KCNH8: variants seen among roughly 807,000 people sequenced by gnomAD.
The protein encoded by KCNH8 is potassium voltage-gated channel subfamily H member 8.
KCNH8 carries 70 observed loss-of-function variants against 103.6 expected under a neutral mutation model. The observed-to-expected ratio is 0.68, with a 90% CI of 0.56 to 0.82. KCNH8 has a LOEUF of 0.82. Among genes scored for constraint, KCNH8 ranks in the 40% least tolerant of loss-of-function variants. The probability of loss-of-function intolerance (pLI) is 0.00; values close to 1 mark genes in which losing one functional copy is unlikely to be tolerated. For synonymous variants in KCNH8, 498 were observed against 489.4 expected, an observed-to-expected ratio of 1.02 and a Z score of -0.23; for missense variants, 1,217 against 1,329.9, an observed-to-expected ratio of 0.92 and a Z score of 1.32.
chr3:19,366,866 G>C (rs189009116), intron 5 of KCNH8, among the ~76,000 whole-genome samples: 1 of 151,994 alleles, frequency 6.6e-6, no homozygotes, highest in Non-Finnish European at 1.5e-5. Flanking sequence ...ATAGTGAAAA[G>C]TTATTTAAAT....
intron 11 of KCNH8, among the ~76,000 whole-genome samples, chr3:19,473,123 G>C (rs891011975): frequency 2.6e-5 from 4 of 152,154 alleles, no homozygotes; most frequent in African/African-American, 4.8e-5. Flanking sequence ...ATAAAATCAA[G>C]TCAAACTCAT....
At chr3:19,431,857 A>G (rs2067127452) in intron 7 of KCNH8, among the ~76,000 whole-genome samples, 1 of 151,764 alleles carries the variant, frequency 6.6e-6, no homozygotes, top group Admixed American at 6.6e-5. Context: ...TCACCCTTAT[A>G]ATTTCTGATT....
chr3:19,276,073 T>A (rs773112572), intron 2 of KCNH8, among the ~76,000 whole-genome samples: 115 of 152,204 alleles, frequency 7.6e-4, no homozygotes, highest in Non-Finnish European at 8.7e-4. Flanking sequence ...ACTGCCCCAC[T>A]CTTTCTGCTG....
Position 19,304,089 on chromosome 3 carries a change from T to G in KCNH8, c.442+22760T>G, listed in dbSNP as rs141383060. ...TCCCAAATGTTAAGACACCCAGTCC[T>G]CTTCCTCAACTTGGCTCCTATAATT... On this transcript the variant is annotated intron_variant, in intron 3 of 15. Transcript: ENST00000328405. 6.6e-5 allele frequency among the ~76,000 whole-genome samples: 10 copies of G among 152,294 alleles called. 1 individual carries two copies. In the East Asian group the frequency reaches 1.9e-3, roughly 29 times the overall value.
chr3:19,378,730 T>C (rs563648987), intron 5 of KCNH8, among the ~76,000 whole-genome samples: 2 of 152,306 alleles, frequency 1.3e-5, no homozygotes, highest in South Asian at 4.1e-4. Flanking sequence ...TCATGAGAAA[T>C]GATATGTTAT....
At chr3:19,408,817 G>GA (rs1288937433) in intron 7 of KCNH8, among the ~76,000 whole-genome samples, 1 of 151,530 alleles carries the variant, frequency 6.6e-6, no homozygotes, top group East Asian at 1.9e-4. Context: ...CAAAAATGAA[G>GA]AAAAAAAGAA....
intron 4 of KCNH8, among the ~76,000 whole-genome samples, chr3:19,343,547 G>T (rs1347260248): frequency 1.3e-5 from 2 of 152,050 alleles, no homozygotes; most frequent in African/African-American, 2.4e-5. Flanking sequence ...ATGGGGTGTT[G>T]TGTGACCATA....
chr3:19,517,948 T>C (rs1559368459), intron 14 of KCNH8, 50 bp from the exon 15 acceptor site: 1 of 1,426,460 alleles, frequency 7.0e-7, no homozygotes, highest in Non-Finnish European at 9.8e-7. Context: ...GATCCTCAAA[T>C]ATAAGGTTTA....
Position 19,515,330 on chromosome 3 carries a change from A to G in KCNH8, c.2444A>G (p.Asp815Gly), listed in dbSNP as rs546670762. The G allele has an allele frequency of 1.3e-6, 2 of 1,587,368 alleles. No homozygotes were observed. Among genetic ancestry groups the G allele is most frequent in the Non-Finnish European group, 1.7e-6 (2 of 1,163,508 alleles). Residue 815 changes from aspartate (D) to glycine (G), a missense_variant, in exon 14 of 16, where the codon GAT (aspartate) becomes GGT (glycine). Transcript: ENST00000328405. ...TCCTTTATTTTAAGTAGGATTGTTGATGGAATTGAAGATGGAAACAGCAGT... is the reference window on the plus strand; with the variant it reads ...TCCTTTATTTTAAGTAGGATTGTTGGTGGAATTGAAGATGGAAACAGCAGT... ...GPPDLSPRIV[D>G]GIEDGNSSEE...
chr3:19,420,626 A>G (rs2066936805), intron 7 of KCNH8, among the ~76,000 whole-genome samples: 1 of 152,218 alleles, frequency 6.6e-6, no homozygotes, highest in Non-Finnish European at 1.5e-5. Context: ...CTCAGGAGTA[A>G]TCCATAAAAA....
chr3:19,410,109 A>C (rs1036397801), intron 7 of KCNH8, among the ~76,000 whole-genome samples: 7 of 152,124 alleles, frequency 4.6e-5, no homozygotes, highest in African/African-American at 1.7e-4. Context: ...AACATACTCC[A>C]AGAAATCATG....
At chr3:19,442,852 C>G (rs2067303094) in intron 8 of KCNH8, among the ~76,000 whole-genome samples, 2 of 151,984 alleles carry the variant, frequency 1.3e-5, no homozygotes, top group African/African-American at 4.8e-5. Context: ...GAGAACTAAT[C>G]ATAAGAGCTC....
chr3:19,207,857 T>C (rs2063732173), intron 1 of KCNH8, among the ~76,000 whole-genome samples: 1 of 151,920 alleles, frequency 6.6e-6, no homozygotes, highest in African/African-American at 2.4e-5. Context: ...ATATAAAAAG[T>C]GGATATTCAA....
In KCNH8 at chr3:19,513,185, G is replaced by A. The variant is rs368682045; in HGVS notation, c.2295G>A (p.Ser765=). Residue 765 remains serine, a synonymous_variant, in exon 13 of 16, where the codon TCG becomes TCA. Transcript: ENST00000328405. ...CCTCGGGAACGGTGCCCTTTCACTC[G>A]CCTATCAGAGTCTCCAGGTCAAATT... ...QLASGTVPFH[S]PIRVSRSNSP... is the part of the protein sequence containing the mutation. 44 of 1,613,748 alleles carry A rather than the reference G, an allele frequency of 2.7e-5. No individual in the cohort carries two copies. The highest frequency in any genetic ancestry group is 3.2e-5 in the Non-Finnish European group (38 of 1,179,934).
intron 11 of KCNH8, among the ~76,000 whole-genome samples, chr3:19,468,504 TAAC>T (rs1447321622): frequency 6.6e-6 from 1 of 152,176 alleles, no homozygotes; most frequent in African/African-American, 2.4e-5. Flanking sequence ...CTAAATTGAA[TAAC>T]AACATTTTTC....
intron 1 of KCNH8, among the ~76,000 whole-genome samples, chr3:19,241,731 CACA>C (rs1293629856): frequency 6.6e-6 from 1 of 151,624 alleles, no homozygotes; most frequent in African/African-American, 2.4e-5. Context: ...CAGACACACA[CACA>C]CACACACACA....
intron 11 of KCNH8, among the ~76,000 whole-genome samples, chr3:19,497,520 GTTGT>G (rs1220214642): frequency 1.3e-5 from 2 of 152,134 alleles, no homozygotes; most frequent in Admixed American, 1.3e-4. Flanking sequence ...TCAGGAGCAG[GTTGT>G]TTAATTTCCA....
chr3:19,476,808 T>A (rs1360132661), intron 11 of KCNH8, among the ~76,000 whole-genome samples: 2 of 152,178 alleles, frequency 1.3e-5, no homozygotes, highest in African/African-American at 2.4e-5. Flanking sequence ...TCCCTCAAAA[T>A]CATCCTGCAT....
chr3:19,338,250 C>T (rs1248235541), intron 3 of KCNH8, among the ~76,000 whole-genome samples: 3 of 151,886 alleles, frequency 2.0e-5, no homozygotes, highest in Admixed American at 2.0e-4. Flanking sequence ...CTCTTCTGGA[C>T]TTTCTTCAGT....
Sources: gnomAD v4.1 joint callset for allele counts (sites outside exome capture counted in the v4.1 genomes callset) on GRCh38, gnomAD v4.1.1 for gene constraint, MANE v1.5 for transcripts, NCBI Gene and HGNC (gene_info 2026-07-23, HGNC 2026-07-21) for gene names.